CDC42BPA: variants seen among roughly 807,000 people sequenced by gnomAD.
The protein encoded by CDC42BPA is serine/threonine-protein kinase MRCK alpha.
A neutral mutation model predicts 223.5 loss-of-function variants in CDC42BPA; 80 were observed. The observed-to-expected ratio is 0.36, with a 90% CI of 0.30 to 0.43. CDC42BPA has a LOEUF of 0.43. Ranked by LOEUF, CDC42BPA falls within the 20% of genes least tolerant of loss-of-function variation. The probability of loss-of-function intolerance (pLI) is 1.00; values close to 1 mark genes in which losing one functional copy is unlikely to be tolerated. For missense variants in CDC42BPA, 1,743 were observed against 2,099.9 expected, an observed-to-expected ratio of 0.83 and a Z score of 3.32; for synonymous variants, 694 against 718.6, an observed-to-expected ratio of 0.97 and a Z score of 0.55.
chr1:227,202,707 G>T (rs945550983), intron 3 of CDC42BPA, among the ~76,000 whole-genome samples: 2 of 148,924 alleles, frequency 1.3e-5, no homozygotes, highest in Non-Finnish European at 3.0e-5. Context: ...ATCGCTTGAG[G>T]CCTGAAGTTT....
At chr1:227,160,767 CTTTAT>C (rs779263957) in intron 5 of CDC42BPA, 131 bp from the exon 6 acceptor site, 5 of 571,204 alleles carry the variant, frequency 8.8e-6, no homozygotes, top group African/African-American at 1.9e-5. Flanking sequence ...TATTTAATTA[CTTTAT>C]TAATTCAAAT....
chr1:227,104,175 A>G (rs1313411590), intron 14 of CDC42BPA, among the ~76,000 whole-genome samples: 1 of 152,114 alleles, frequency 6.6e-6, no homozygotes. Context: ...CCAAGAAATA[A>G]AGAGGTACAA....
intron 14 of CDC42BPA, among the ~76,000 whole-genome samples, chr1:227,111,488 G>GTTGTT (rs1191639469): frequency 1.3e-5 from 2 of 151,982 alleles, no homozygotes; most frequent in Non-Finnish European, 1.5e-5. Context: ...GAGGTTAAAT[G>GTTGTT]TTGTTTTGTT....
At chr1:227,241,453 G>A (rs1295460119) in intron 2 of CDC42BPA, among the ~76,000 whole-genome samples, 1 of 152,030 alleles carries the variant, frequency 6.6e-6, no homozygotes, top group Non-Finnish European at 1.5e-5. Context: ...TCATCAATAG[G>A]AAAATGAATA....
intron 14 of CDC42BPA, among the ~76,000 whole-genome samples, chr1:227,111,533 G>A (rs1302429920): frequency 6.6e-6 from 1 of 152,180 alleles, no homozygotes; most frequent in Non-Finnish European, 1.5e-5. Flanking sequence ...TGCCCAGGCT[G>A]GAGTGCAATA....
At chr1:227,146,065 T>C (rs541855804) in intron 7 of CDC42BPA, among the ~76,000 whole-genome samples, 11 of 152,246 alleles carry the variant, frequency 7.2e-5, no homozygotes, top group South Asian at 2.1e-4. Context: ...AGATAGATGA[T>C]TGATAATGGT....
chr1:227,181,898 T>C (rs1479907420), intron 5 of CDC42BPA, among the ~76,000 whole-genome samples: 1 of 152,142 alleles, frequency 6.6e-6, no homozygotes, highest in Non-Finnish European at 1.5e-5. Flanking sequence ...AAGCAGGCAA[T>C]ACCCTACAGC....
chr1:226,997,065 C>G (rs924284333), intron 35 of CDC42BPA, among the ~76,000 whole-genome samples: 1 of 152,146 alleles, frequency 6.6e-6, no homozygotes, highest in South Asian at 2.1e-4. Flanking sequence ...TGGTAGAATT[C>G]GGCTGTGAAT....
At chr1:227,281,817 A>G (rs1376553961) in intron 1 of CDC42BPA, among the ~76,000 whole-genome samples, 1 of 152,206 alleles carries the variant, frequency 6.6e-6, no homozygotes, top group Non-Finnish European at 1.5e-5. Context: ...TCCCTTAATA[A>G]CAAAATGGGA....
intron 17 of CDC42BPA, among the ~76,000 whole-genome samples, chr1:227,075,498 G>A (rs1303416205): frequency 1.3e-5 from 2 of 152,162 alleles, no homozygotes; most frequent in African/African-American, 2.4e-5. Flanking sequence ...ATATGGAGAT[G>A]CAATAAAACC....
At chr1:227,002,637 T>A (rs1253651491) in intron 35 of CDC42BPA, among the ~76,000 whole-genome samples, 1 of 152,226 alleles carries the variant, frequency 6.6e-6, no homozygotes, top group Non-Finnish European at 1.5e-5. Context: ...ACACTGCTGC[T>A]TCTGTCTCTC....
chr1:227,094,313 T>C (rs1349147854), intron 15 of CDC42BPA, among the ~76,000 whole-genome samples: 1 of 152,226 alleles, frequency 6.6e-6, no homozygotes, highest in Non-Finnish European at 1.5e-5. Flanking sequence ...TTGAGGCCAC[T>C]TGCTATGTGG....
intron 4 of CDC42BPA, among the ~76,000 whole-genome samples, chr1:227,196,159 TGA>T (rs1260080550): frequency 6.6e-6 from 1 of 151,892 alleles, no homozygotes; most frequent in African/African-American, 2.4e-5. Context: ...ATGCAATAAA[TGA>T]GTTATGTGTC....
intron 5 of CDC42BPA, among the ~76,000 whole-genome samples, chr1:227,172,417 C>T (rs1414995675): frequency 6.6e-6 from 1 of 152,086 alleles, no homozygotes; most frequent in African/African-American, 2.4e-5. Context: ...CTGCATCTTT[C>T]CAAAAACCAT....
At chr1:227,305,897 C>T (rs1048518535) in intron 1 of CDC42BPA, among the ~76,000 whole-genome samples, 1 of 152,132 alleles carries the variant, frequency 6.6e-6, no homozygotes, top group African/African-American at 2.4e-5. Flanking sequence ...ACCCAGAAGG[C>T]GGAGGCTGCA....
intron 17 of CDC42BPA, among the ~76,000 whole-genome samples, chr1:227,079,605 G>C (rs1157920783): frequency 6.6e-6 from 1 of 152,062 alleles, no homozygotes; most frequent in South Asian, 2.1e-4. Context: ...TGATGATATA[G>C]ATATAAATTA....
At chr1:227,061,567 T>G (rs1675930758) in intron 21 of CDC42BPA, among the ~76,000 whole-genome samples, 1 of 152,204 alleles carries the variant, frequency 6.6e-6, no homozygotes, top group African/African-American at 2.4e-5. Flanking sequence ...AATTAACTTC[T>G]AATACAGTGC....
At chr1:227,171,085 C>T (rs556324928) in intron 5 of CDC42BPA, among the ~76,000 whole-genome samples, 1 of 152,100 alleles carries the variant, frequency 6.6e-6, no homozygotes, top group Non-Finnish European at 1.5e-5. Context: ...AAGGAAAGTT[C>T]AGGTAAAACA....
At chr1:227,291,324 G>T (rs572366810) in intron 1 of CDC42BPA, among the ~76,000 whole-genome samples, 1 of 152,078 alleles carries the variant, frequency 6.6e-6, no homozygotes, top group Non-Finnish European at 1.5e-5. Flanking sequence ...CGAAGCAGGC[G>T]GATCACTTGA....
Sources: allele counts gnomAD v4.1 joint callset (sites outside exome capture counted in the v4.1 genomes callset), GRCh38; gene constraint gnomAD v4.1.1; transcripts MANE v1.5; gene names NCBI Gene and HGNC (gene_info 2026-07-23, HGNC 2026-07-21).